Variants in NSD2 observed in about 807,000 individuals in gnomAD.
NSD2 encodes histone-lysine N-methyltransferase NSD2.
Under a neutral mutation model 139.0 loss-of-function variants are expected in NSD2, and 12 were observed. The observed-to-expected ratio is 0.09, with a 90% CI of 0.06 to 0.14. The LOEUF is 0.14. NSD2 is among the 10% of genes least tolerant of loss of function. The pLI is 1.00. For synonymous variants in NSD2, 669 were observed against 648.7 expected (o/e 1.03, Z -0.48); for missense variants, 1,155 against 1,745.0 (o/e 0.66, Z 6.02).
In NSD2 at chr4:1,907,615, CTT is replaced by C. The variant is rs765535552; in HGVS notation, c.760+3259_760+3260del. Among the ~76,000 whole-genome samples, 822 of 93,598 alleles carry C rather than the reference CTT, an allele frequency of 8.8e-3. 1 individual carries two copies. Among genetic ancestry groups the C allele is most frequent in the African/African-American group, 0.032 (783 of 24,444 alleles). 61.4% of individuals were successfully genotyped at this position (93,598 alleles called of 152,430 possible). A position where few individuals can be genotyped will look rare whatever the true frequency, so the allele number is the denominator to read the frequency against. ...ACATCTTGTTCTACCTGTTGAATCT[CTT>C]TTTTTTTTTTTTTTTTTTTTTGTGA... On this transcript the variant is annotated intron_variant, in intron 3 of 21. Transcript: ENST00000508803.
intron 1 of NSD2, among the ~76,000 whole-genome samples, chr4:1,878,051 A>T (rs1311711464): frequency 1.3e-5 from 2 of 151,300 alleles, no homozygotes; most frequent in Non-Finnish European, 2.9e-5. Context: ...ATTTAAAAAA[A>T]GTATTATATA....
At position 1,953,005 on chromosome 4, in the gene NSD2, G is replaced by A. The variant is rs1159532131; in HGVS notation, c.2138-319G>A. On this transcript the variant is annotated intron_variant, in intron 11 of 21. Coordinates refer to ENST00000508803, the MANE Select transcript of NSD2 (RefSeq NM_001042424.3). ...CCACTGGCCAGCTGCTCTCAAGGAG[G>A]AAAGGCCTCTTTTCATAGGAGCCCC... 2.1e-6 allele frequency: 3 copies of A among 1,439,432 alleles called. No individual in the cohort carries two copies. The South Asian group carries it at 4.6e-5, about 22-fold the overall frequency. The allele number at this position is 1,439,432 out of a possible 1,614,324, so 89.2% of individuals were successfully genotyped here.
chr4:1,925,827 G>A (rs568982578), intron 5 of NSD2, among the ~76,000 whole-genome samples: 6 of 149,462 alleles, frequency 4.0e-5, no homozygotes, highest in African/African-American at 1.5e-4. Context: ...TTTGAGACAG[G>A]GTCTTACTCT....
At chr4:1,904,752 T>C (rs1227405856) in intron 3 of NSD2, among the ~76,000 whole-genome samples, 1 of 152,210 alleles carries the variant, frequency 6.6e-6, no homozygotes, top group African/African-American at 2.4e-5. Context: ...ATGGGAAGAA[T>C]GGAAAACACT....
At chr4:1,909,999 G>A (rs982820050) in intron 3 of NSD2, among the ~76,000 whole-genome samples, 5 of 151,862 alleles carry the variant, frequency 3.3e-5, no homozygotes, top group African/African-American at 9.7e-5. Flanking sequence ...GTTTGAATCC[G>A]TGTATCTTAG....
At chr4:1,880,713 T>G (rs755091228) in intron 1 of NSD2, among the ~76,000 whole-genome samples, 2 of 151,984 alleles carry the variant, frequency 1.3e-5, no homozygotes, top group Non-Finnish European at 2.9e-5. Context: ...GAGTTGCCAT[T>G]GGCAACACTG....
chr4:1,881,358 G>A (rs1281309151), intron 1 of NSD2, among the ~76,000 whole-genome samples: 2 of 152,276 alleles, frequency 1.3e-5, no homozygotes, highest in Non-Finnish European at 1.5e-5. Context: ...CGCCTCCTGG[G>A]TTTACGCCAT....
At chr4:1,937,795 C>A (rs190691608) in intron 7 of NSD2, among the ~76,000 whole-genome samples, 34 of 152,310 alleles carry the variant, frequency 2.2e-4, no homozygotes, top group African/African-American at 7.0e-4. Flanking sequence ...TGCTCTAGTG[C>A]TATGGGGACA....
At chr4:1,872,635 A>AGCGC (rs1553856500) in intron 1 of NSD2, among the ~76,000 whole-genome samples, 2 of 120,204 alleles carry the variant, frequency 1.7e-5, no homozygotes, top group African/African-American at 2.9e-5. Context: ...AGAGAGAGAG[A>AGCGC]GCGCGCAGAC....
At chr4:1,954,927 C>G (rs984991864) in intron 12 of NSD2, among the ~76,000 whole-genome samples, 1 of 152,134 alleles carries the variant, frequency 6.6e-6, no homozygotes, top group Non-Finnish European at 1.5e-5. Flanking sequence ...CCCACGTGCC[C>G]CAGGTGCCTG....
At chr4:1,971,648 T>G (rs1480420058) in intron 18 of NSD2, among the ~76,000 whole-genome samples, 1 of 152,174 alleles carries the variant, frequency 6.6e-6, no homozygotes, top group Non-Finnish European at 1.5e-5. Context: ...TGGACCTGTA[T>G]GTGAACATGG....
Position 1,872,637 on chromosome 4 carries a change from C to CGCAAGA in NSD2, c.-30+1097_-30+1098insAAGAGC, listed in dbSNP as rs1553856509. Among the ~76,000 whole-genome samples, 3 of 81,848 alleles carry CGCAAGA rather than the reference C, an allele frequency of 3.7e-5. No homozygotes were observed. In the East Asian group the frequency reaches 1.5e-3, roughly 41 times the overall value. The allele number at this position is 81,848 out of a possible 152,430, so 53.7% of individuals were successfully genotyped here. ...GAGAGAGAGAGAGAGAGAGAGAGAGCGCGCAGACCCTGTGAAGACAAGACT... is the reference window on the plus strand; with the variant it reads ...GAGAGAGAGAGAGAGAGAGAGAGAGCGCAAGAGCGCAGACCCTGTGAAGACAAGACT... On this transcript the variant is annotated intron_variant, in intron 1 of 21. Coordinates refer to ENST00000508803, the MANE Select transcript of NSD2 (RefSeq NM_001042424.3).
chr4:1,947,031 C>T, intron 9 of NSD2: 1 of 1,063,842 alleles, frequency 9.4e-7, no homozygotes, highest in Non-Finnish European at 1.1e-6. Flanking sequence ...GGTGGGGGTC[C>T]TGGTCCGGCT....
At chr4:1,900,479 T>C in intron 1 of NSD2, 147 bp from the exon 2 acceptor site, 1 of 496,404 alleles carries the variant, frequency 2.0e-6, no homozygotes, top group South Asian at 4.9e-5. Context: ...TAAAACTGCC[T>C]TCTGTGACCT....
intron 5 of NSD2, among the ~76,000 whole-genome samples, chr4:1,930,073 T>A (rs528352933): frequency 6.6e-6 from 1 of 152,144 alleles, no homozygotes; most frequent in African/African-American, 2.4e-5. Flanking sequence ...CTGGTGTGGC[T>A]GGAGGGTAGG....
chr4:1,917,746 T>G (rs2108802599), intron 4 of NSD2, among the ~76,000 whole-genome samples: 1 of 152,156 alleles, frequency 6.6e-6, no homozygotes, highest in South Asian at 2.1e-4. Context: ...AAGTTTTTTA[T>G]TTCTAAAATT....
At chr4:1,941,782 T>C (rs1449818724) in intron 9 of NSD2, 4 of 1,050,244 alleles carry the variant, frequency 3.8e-6, no homozygotes, top group Non-Finnish European at 4.6e-6. Flanking sequence ...TATAGAATTA[T>C]GCTGTTAAAA....
intron 1 of NSD2, among the ~76,000 whole-genome samples, chr4:1,898,749 G>C (rs1441106525): frequency 6.7e-6 from 1 of 149,846 alleles, no homozygotes; most frequent in South Asian, 2.1e-4. Context: ...CATAAACTAG[G>C]CTGCTTGGAA....
At position 1,871,454 on chromosome 4, in the gene NSD2, C is replaced by T. The variant is rs952138979; in HGVS notation, c.-118C>T. The T allele has an allele frequency of 2.0e-5, 3 of 148,428 alleles. No homozygotes were observed. The highest frequency in any genetic ancestry group is 7.3e-5 in the African/African-American group (3 of 40,900). The allele number at this position is 148,428 out of a possible 1,614,324, so 9.2% of individuals were successfully genotyped here. On this transcript the variant is annotated 5_prime_UTR_variant, in exon 1 of 22. Transcript: ENST00000508803. ...CGCCCGCCGCCGCCGCCGCCCCCTCCCCGCCTGGGCCCTACCGCCGCACGG... is the reference window on the plus strand; with the variant it reads ...CGCCCGCCGCCGCCGCCGCCCCCTCTCCGCCTGGGCCCTACCGCCGCACGG...
Sources: allele counts gnomAD v4.1 joint callset (sites outside exome capture counted in the v4.1 genomes callset), GRCh38; gene constraint gnomAD v4.1.1; transcripts MANE v1.5; gene names NCBI Gene and HGNC (gene_info 2026-07-23, HGNC 2026-07-21).